Variants in PRKD1 observed in about 807,000 individuals in gnomAD.
PRKD1 encodes the protein protein kinase D1.
PRKD1 carries 63 observed loss-of-function variants against 95.9 expected under a neutral mutation model. The observed-to-expected ratio is 0.66, with a 90% CI of 0.54 to 0.81. The LOEUF (loss-of-function observed/expected upper bound fraction) is 0.81, where lower values mean the gene tolerates loss of function less well. Among genes scored for constraint, PRKD1 ranks in the 30% least tolerant of loss-of-function variants. The probability of loss-of-function intolerance (pLI) is 0.00; values close to 1 mark genes in which losing one functional copy is unlikely to be tolerated. For missense variants in PRKD1, 1,048 were observed against 1,165.3 expected (o/e 0.90, Z 1.47); for synonymous variants, 425 against 423.1 (o/e 1.00, Z -0.05).
chr14:29,625,252 C>T (rs903903322), intron 12 of PRKD1, among the ~76,000 whole-genome samples: 2 of 152,128 alleles, frequency 1.3e-5, no homozygotes, highest in Admixed American at 6.5e-5. Flanking sequence ...TTCAACTTAG[C>T]CATTTTCCTG....
chr14:29,736,308 T>C (rs1886710446), intron 1 of PRKD1, among the ~76,000 whole-genome samples: 1 of 152,202 alleles, frequency 6.6e-6, no homozygotes, highest in Admixed American at 6.5e-5. Flanking sequence ...TCTGCCTAAA[T>C]AGAAACTATA....
At chr14:29,613,628 C>G (rs1017375967) in intron 13 of PRKD1, among the ~76,000 whole-genome samples, 1 of 152,206 alleles carries the variant, frequency 6.6e-6, no homozygotes, top group African/African-American at 2.4e-5. Context: ...TGCCTTTAAA[C>G]TTTCTTCTGT....
At chr14:29,798,433 T>G (rs1186357385) in intron 1 of PRKD1, among the ~76,000 whole-genome samples, 1 of 152,200 alleles carries the variant, frequency 6.6e-6, no homozygotes, top group East Asian at 1.9e-4. Flanking sequence ...CTAAAAATCT[T>G]GATGAGTGAG....
At chr14:29,900,109 T>C (rs1165303139) in intron 1 of PRKD1, among the ~76,000 whole-genome samples, 1 of 152,204 alleles carries the variant, frequency 6.6e-6, no homozygotes, top group Non-Finnish European at 1.5e-5. Flanking sequence ...CCTTTATAAA[T>C]TGCCCAGTCT....
chr14:29,864,893 T>C (rs1031524943), intron 1 of PRKD1, among the ~76,000 whole-genome samples: 1 of 152,168 alleles, frequency 6.6e-6, no homozygotes, highest in South Asian at 2.1e-4. Context: ...CTGAATTGTT[T>C]ATAGGTCTAA....
At chr14:29,639,166 G>C (rs936932325) in intron 4 of PRKD1, among the ~76,000 whole-genome samples, 1 of 151,892 alleles carries the variant, frequency 6.6e-6, no homozygotes, top group Non-Finnish European at 1.5e-5. Flanking sequence ...TTTCAAATAA[G>C]TTTTTGCTTT....
chr14:29,799,321 A>AG (rs1308730364), intron 1 of PRKD1, among the ~76,000 whole-genome samples: 1 of 152,182 alleles, frequency 6.6e-6, no homozygotes, highest in African/African-American at 2.4e-5. Flanking sequence ...TTGCTTCCCT[A>AG]CTAATATTTT....
At chr14:29,807,837 T>C (rs2139234649) in intron 1 of PRKD1, among the ~76,000 whole-genome samples, 1 of 152,068 alleles carries the variant, frequency 6.6e-6, no homozygotes, top group African/African-American at 2.4e-5. Flanking sequence ...TTCTCATGCC[T>C]TAGCCTCCCG....
intron 1 of PRKD1, among the ~76,000 whole-genome samples, chr14:29,926,836 G>A (rs933935054): frequency 1.3e-5 from 2 of 151,936 alleles, no homozygotes; most frequent in East Asian, 3.9e-4. Context: ...CATTCCGGGG[G>A]CACTCTGGTG....
chr14:29,825,231 G>T (rs1037450710), intron 1 of PRKD1, among the ~76,000 whole-genome samples: 1 of 152,034 alleles, frequency 6.6e-6, no homozygotes, highest in African/African-American at 2.4e-5. Context: ...TACTTACACA[G>T]TCAAAAGGGC....
intron 1 of PRKD1, among the ~76,000 whole-genome samples, chr14:29,741,723 T>G (rs1886987140): frequency 6.6e-6 from 1 of 152,072 alleles, no homozygotes; most frequent in African/African-American, 2.4e-5. Context: ...ACCTAAGTCC[T>G]AAAAACTAAA....
At position 29,636,280 on chromosome 14, in the gene PRKD1, C is replaced by T. The variant is rs1332640299; in HGVS notation, c.1190+10G>A. The T allele has an allele frequency of 1.2e-6, 2 of 1,614,174 alleles. No homozygotes were observed. The highest frequency in any genetic ancestry group is 8.5e-7 in the Non-Finnish European group (1 of 1,180,000). On this transcript the variant is annotated intron_variant, in intron 7 of 17. Coordinates refer to ENST00000331968, the MANE Select transcript of PRKD1 (RefSeq NM_002742.3). ...CCCCTGTTGGCTGAGGCTGGGAGTG[C>T]TGCTCTCACCTGATGGTTCTGTTGG...
chr14:29,885,089 C>G (rs1452507384), intron 1 of PRKD1, among the ~76,000 whole-genome samples: 1 of 148,940 alleles, frequency 6.7e-6, no homozygotes, highest in Non-Finnish European at 1.5e-5. Context: ...CACCACTGCA[C>G]TCCCCCCTGG....
intron 2 of PRKD1, among the ~76,000 whole-genome samples, chr14:29,693,906 G>A (rs1027291434): frequency 3.9e-5 from 6 of 152,112 alleles, no homozygotes; most frequent in Admixed American, 1.3e-4. Flanking sequence ...TTTTTCCATA[G>A]GCAGAGCCAA....
intron 7 of PRKD1, among the ~76,000 whole-genome samples, chr14:29,635,033 G>GAA (rs538015508): frequency 1.4e-5 from 2 of 142,020 alleles, no homozygotes; most frequent in East Asian, 2.0e-4. Context: ...GACTCCATCT[G>GAA]AAAAAAAAAA....
intron 13 of PRKD1, among the ~76,000 whole-genome samples, chr14:29,622,899 A>G (rs1190804434): frequency 6.6e-6 from 1 of 152,210 alleles, no homozygotes; most frequent in Non-Finnish European, 1.5e-5. Context: ...TGAAGAATAA[A>G]TATCTCCTGT....
rs551209704 is a variant in PRKD1, at chr14:29,636,453, C to T, written c.1027G>A (p.Glu343Lys). Residue 343 changes from glutamate (E) to lysine (K), a missense_variant, in exon 7 of 18, where the codon GAA becomes AAA. Coordinates refer to ENST00000331968, the MANE Select transcript of PRKD1 (RefSeq NM_002742.3). ...PGAESDVVMEEGSDDNDSERN... is the reference protein window; with the variant it reads ...PGAESDVVMEKGSDDNDSERN... ...TCACTATCATTGTCATCACTCCCTT[C>T]TTCCATGACCACATCAGACTCTGCC... 5.6e-6 allele frequency: 9 copies of T among 1,614,146 alleles called. No individual in the cohort carries two copies. In the South Asian group the frequency reaches 8.8e-5, roughly 16 times the overall value.
chr14:29,869,501 C>T (rs746008110), intron 1 of PRKD1, among the ~76,000 whole-genome samples: 1 of 151,058 alleles, frequency 6.6e-6, no homozygotes, highest in Non-Finnish European at 1.5e-5. Context: ...TCACCTTGTT[C>T]AGTAAATCTC....
At chr14:29,845,199 T>A (rs1892033016) in intron 1 of PRKD1, among the ~76,000 whole-genome samples, 4 of 152,356 alleles carry the variant, frequency 2.6e-5, no homozygotes, top group African/African-American at 9.6e-5. Flanking sequence ...TTGTTGAAGG[T>A]ATGTCAAGTT....
Sources: gnomAD v4.1 joint callset for allele counts (sites outside exome capture counted in the v4.1 genomes callset) on GRCh38, gnomAD v4.1.1 for gene constraint, MANE v1.5 for transcripts, NCBI Gene and HGNC (gene_info 2026-07-23, HGNC 2026-07-21) for gene names.